CAB39L: variants seen among roughly 807,000 people sequenced by gnomAD.
CAB39L encodes the protein calcium binding protein 39 like, also known as calcium-binding protein 39-like.
CAB39L carries 23 observed loss-of-function variants against 39.1 expected under a neutral mutation model. That is an observed-to-expected ratio of 0.59 (90% CI 0.42 to 0.83). The LOEUF is 0.83. Ranked by LOEUF, CAB39L falls within the 40% of genes least tolerant of loss-of-function variation. The probability of loss-of-function intolerance (pLI) is 0.00; values close to 1 mark genes in which losing one functional copy is unlikely to be tolerated. For synonymous variants in CAB39L, 126 were observed against 137.2 expected (o/e 0.92, Z 0.57); for missense variants, 366 against 391.9 (o/e 0.93, Z 0.56).
At chr13:49,396,984 G>A (rs1355714086) in intron 3 of CAB39L, among the ~76,000 whole-genome samples, 2 of 152,084 alleles carry the variant, frequency 1.3e-5, no homozygotes, top group Non-Finnish European at 2.9e-5. Context: ...ATTTGCTACT[G>A]TATCCAAGAA....
At chr13:49,341,127 T>C (rs1954992783) in intron 8 of CAB39L, among the ~76,000 whole-genome samples, 2 of 152,246 alleles carry the variant, frequency 1.3e-5, no homozygotes, top group Admixed American at 6.5e-5. Context: ...AAAAATTTTA[T>C]TTCTTATAAA....
chr13:49,419,674 T>C (rs990111318), intron 3 of CAB39L, among the ~76,000 whole-genome samples: 1 of 152,182 alleles, frequency 6.6e-6, no homozygotes, highest in African/African-American at 2.4e-5. Context: ...TACTGTCAAT[T>C]GGCAAAACAA....
chr13:49,383,449 T>C (rs117205753), intron 3 of CAB39L, among the ~76,000 whole-genome samples: 1,601 of 152,282 alleles, frequency 0.011, 12 homozygotes, highest in South Asian at 0.036. Flanking sequence ...TTATACCTTT[T>C]TCCATTATTT....
At chr13:49,339,129 T>C (rs1954930636) in intron 9 of CAB39L, among the ~76,000 whole-genome samples, 1 of 142,964 alleles carries the variant, frequency 7.0e-6, no homozygotes, top group Non-Finnish European at 1.5e-5. Flanking sequence ...ACATGTCTTT[T>C]TTTTTTTTTT....
chr13:49,411,659 C>T (rs967565703), intron 3 of CAB39L, among the ~76,000 whole-genome samples: 6 of 152,230 alleles, frequency 3.9e-5, no homozygotes, highest in African/African-American at 1.4e-4. Context: ...CTATCTCATT[C>T]TTTTAAAAGT....
At chr13:49,339,551 C>G in intron 9 of CAB39L, 126 bp downstream of exon 9, 1 of 1,048,338 alleles carries the variant, frequency 9.5e-7, no homozygotes, top group Non-Finnish European at 1.2e-6. Context: ...ATAGTAAATA[C>G]TTCTCAAGTT....
chr13:49,345,468 T>C (rs1474780947), intron 7 of CAB39L, among the ~76,000 whole-genome samples: 1 of 152,134 alleles, frequency 6.6e-6, no homozygotes, highest in Non-Finnish European at 1.5e-5. Context: ...TCATTACCAC[T>C]CTGGAACTGA....
chr13:49,391,105 T>G (rs1469035418), intron 3 of CAB39L, among the ~76,000 whole-genome samples: 2 of 152,138 alleles, frequency 1.3e-5, no homozygotes, highest in Non-Finnish European at 2.9e-5. Flanking sequence ...CAAACTTCCA[T>G]AAAGGGGAAA....
At position 49,395,338 on chromosome 13, in the gene CAB39L, C is replaced by T. The variant is rs148660296; in HGVS notation, c.-31-12397G>A. Among the ~76,000 whole-genome samples, 479 of 151,582 alleles carry T rather than the reference C, an allele frequency of 3.2e-3. 4 individuals are homozygous for T. Among genetic ancestry groups the T allele is most frequent in the East Asian group, 0.03 (156 of 5,138 alleles). ...GCAACCTCCGCCCCCCGGGTTCAAG[C>T]GATTCTCCTGCCTCAGCCTCCCGAG... On this transcript the variant is annotated intron_variant, in intron 3 of 10. Coordinates refer to ENST00000409308, the MANE Select transcript of CAB39L (RefSeq NM_001079670.3).
chr13:49,397,014 T>C (rs753578464), intron 3 of CAB39L, among the ~76,000 whole-genome samples: 6 of 152,182 alleles, frequency 3.9e-5, no homozygotes, highest in Non-Finnish European at 7.3e-5. Flanking sequence ...CCAAAAAACA[T>C]AATTTAGAAT....
chr13:49,357,831 C>A (rs1955527855), intron 6 of CAB39L, among the ~76,000 whole-genome samples: 1 of 152,178 alleles, frequency 6.6e-6, no homozygotes, highest in Non-Finnish European at 1.5e-5. Flanking sequence ...GACATTCAAA[C>A]TCCCTAGTAG....
At chr13:49,359,652 G>T in intron 6 of CAB39L, 62 bp downstream of exon 6, 1 of 832,368 alleles carries the variant, frequency 1.2e-6, no homozygotes, top group Non-Finnish European at 2.0e-6. Flanking sequence ...TGAGACTAAT[G>T]CTATGCACTT....
rs1406928717 is a variant in CAB39L, at chr13:49,378,723, G to A, written c.112-1592C>T. Among the ~76,000 whole-genome samples, 42 of 36,534 alleles carry A rather than the reference G, an allele frequency of 1.1e-3. No individual in the cohort carries two copies. In the East Asian group the frequency reaches 0.014, roughly 12 times the overall value. The allele number at this position is 36,534 out of a possible 152,430, so 24.0% of individuals were successfully genotyped here. ...CGTCCGGGAGGGAGGTGGGGGTGTC[G>A]GCCCCCCGCCCGGCCAGCCGCCCCG... On this transcript the variant is annotated intron_variant, in intron 4 of 10. Coordinates refer to ENST00000409308, the MANE Select transcript of CAB39L (RefSeq NM_001079670.3).
chr13:49,408,328 C>A (rs982222601), intron 3 of CAB39L, among the ~76,000 whole-genome samples: 1 of 152,104 alleles, frequency 6.6e-6, no homozygotes, highest in African/African-American at 2.4e-5. Flanking sequence ...TATGAAATAG[C>A]CAGTTAGTTG....
chr13:49,332,186 A>C, intron 9 of CAB39L, 96 bp from the exon 10 acceptor site: 1 of 1,409,910 alleles, frequency 7.1e-7, no homozygotes, highest in Non-Finnish European at 9.7e-7. Context: ...TATAAATGTG[A>C]GTAAGAATGG....
intron 3 of CAB39L, among the ~76,000 whole-genome samples, chr13:49,423,897 T>C (rs1030296289): frequency 1.3e-5 from 2 of 152,210 alleles, no homozygotes; most frequent in Non-Finnish European, 2.9e-5. Flanking sequence ...AAAAATCTGT[T>C]CGGCAAATTT....
intron 3 of CAB39L, among the ~76,000 whole-genome samples, chr13:49,426,278 G>A (rs1287638618): frequency 6.6e-6 from 1 of 152,140 alleles, no homozygotes; most frequent in Admixed American, 6.6e-5. Flanking sequence ...GTACTCTGAG[G>A]CAGAAACTTA....
chr13:49,339,350 C>T (rs1310372182), intron 9 of CAB39L, among the ~76,000 whole-genome samples: 8 of 152,104 alleles, frequency 5.3e-5, no homozygotes, highest in Admixed American at 6.5e-5. Flanking sequence ...AGGCTGGTCT[C>T]GAACTCCTGA....
intron 3 of CAB39L, chr13:49,413,590 G>A (rs1957033561): frequency 6.6e-6 from 1 of 152,176 alleles, no homozygotes; most frequent in Non-Finnish European, 1.5e-5. Flanking sequence ...ACATAGGGAA[G>A]TTTTTGAGGT....
Sources: allele counts gnomAD v4.1 joint callset (sites outside exome capture counted in the v4.1 genomes callset), GRCh38; gene constraint gnomAD v4.1.1; transcripts MANE v1.5; gene names NCBI Gene and HGNC (gene_info 2026-07-23, HGNC 2026-07-21).